The following FMR1NB variants were observed in gnomAD, a reference collection of about 807,000 sequenced individuals.
FMR1NB encodes the protein FMR1 neighbor, also known as FMR1 neighbor protein.
In FMR1NB, 10 loss-of-function variants were observed where a neutral mutation model predicts 16.8. That is an observed-to-expected ratio of 0.60 (90% CI 0.37 to 1.01). The LOEUF (loss-of-function observed/expected upper bound fraction) is 1.01, where lower values mean the gene tolerates loss of function less well. FMR1NB is among the 50% of genes least tolerant of loss of function. The pLI, the probability that FMR1NB is intolerant of heterozygous loss-of-function variation, is 0.01. For synonymous variants in FMR1NB, 83 were observed against 79.1 expected (o/e 1.05, Z -0.26); for missense variants, 205 against 204.8 (o/e 1.00, Z 0.00).
chrX:147,992,148 C>G (rs1229373577), intron 1 of FMR1NB, among the ~76,000 whole-genome samples: 2 of 110,227 alleles, frequency 1.8e-5, no homozygotes, highest in Non-Finnish European at 3.8e-5. Context: ...ATTGTCATCC[C>G]GTCCCGTTCT....
At chrX:148,009,542 T>C (rs1318274682) in intron 4 of FMR1NB, among the ~76,000 whole-genome samples, 1 of 106,236 alleles carries the variant, frequency 9.4e-6, no homozygotes, top group Non-Finnish European at 1.9e-5. Context: ...GCTCCCCACC[T>C]ATGGGGACAG....
chrX:147,981,505 G>A lies in FMR1NB; in HGVS notation c.103G>A (p.Glu35Lys). ...ELATYELAAT[E>K]SNPESSHPGY... is the part of the protein sequence containing the mutation. ...GGCAACTTATGAGTTGGCGGCAACT[G>A]AGTCGAATCCCGAGAGCAGCCATCC... Residue 35 changes from glutamate (E) to lysine (K), a missense_variant, in exon 1 of 6, where the codon GAG becomes AAG. Coordinates refer to ENST00000370467, the MANE Select transcript of FMR1NB (RefSeq NM_152578.3). 1 of 1,211,928 alleles carries A rather than the reference G, an allele frequency of 8.3e-7. No individual in the cohort carries two copies. Among genetic ancestry groups the A allele is most frequent in the Non-Finnish European group, 1.1e-6 (1 of 895,530 alleles).
intron 1 of FMR1NB, among the ~76,000 whole-genome samples, chrX:147,988,350 G>C (rs1391149556): frequency 9.0e-6 from 1 of 111,722 alleles, no homozygotes; most frequent in Non-Finnish European, 1.9e-5. Context: ...CTCTATTCTG[G>C]CTTGTAGGGT....
chrX:147,991,670 A>C (rs868946911), intron 1 of FMR1NB, among the ~76,000 whole-genome samples: 8 of 57,625 alleles, frequency 1.4e-4, no homozygotes, highest in Non-Finnish European at 2.6e-4. Flanking sequence ...TTTTTAATTT[A>C]TTTTTTTATT....
intron 1 of FMR1NB, among the ~76,000 whole-genome samples, chrX:147,995,086 A>G (rs921210583): frequency 2.7e-5 from 3 of 111,904 alleles, no homozygotes; most frequent in Non-Finnish European, 5.6e-5. Flanking sequence ...CCATACAGGA[A>G]AGACTATTTC....
intron 1 of FMR1NB, 95 bp downstream of exon 1, chrX:147,981,774 T>C: frequency 1.1e-6 from 1 of 952,071 alleles, no homozygotes; most frequent in Admixed American, 3.4e-5. Context: ...GCACCAACCA[T>C]AGGCCTTCCT....
rs1344072541 is a variant in FMR1NB at position 147,986,664 on chromosome X, G to C, written c.277+4985G>C. Among the ~76,000 whole-genome samples the C allele has an allele frequency of 2.7e-5, 3 of 111,241 alleles. No individual in the cohort carries two copies. The East Asian group carries it at 8.4e-4, about 31-fold the overall frequency. ...GTGTTAATTCTGAGGCCTCTGTTCTGTTCCATTTTTCTATATATCTGTTTT... is the reference window on the plus strand; with the variant it reads ...GTGTTAATTCTGAGGCCTCTGTTCTCTTCCATTTTTCTATATATCTGTTTT... On this transcript the variant is annotated intron_variant, in intron 1 of 5. Coordinates refer to ENST00000370467, the MANE Select transcript of FMR1NB (RefSeq NM_152578.3).
intron 2 of FMR1NB, among the ~76,000 whole-genome samples, chrX:148,004,675 C>T (rs900996965): frequency 4.5e-5 from 5 of 111,996 alleles, no homozygotes; most frequent in Non-Finnish European, 9.4e-5. Context: ...AAAAAAAGTT[C>T]GTTGTTTTGC....
intron 1 of FMR1NB, among the ~76,000 whole-genome samples, chrX:147,989,704 G>C (rs1265115394): frequency 1.7e-4 from 19 of 111,776 alleles, no homozygotes; most frequent in Admixed American, 1.2e-3. Flanking sequence ...CTTTCTTTCA[G>C]AGATGCCCTG....
At chrX:147,993,008 A>G (rs1293047313) in intron 1 of FMR1NB, among the ~76,000 whole-genome samples, 1 of 105,016 alleles carries the variant, frequency 9.5e-6, no homozygotes, top group African/African-American at 3.6e-5. Flanking sequence ...CACTTCCCAG[A>G]CGGGGTGGCG....
intron 1 of FMR1NB, among the ~76,000 whole-genome samples, chrX:147,994,426 G>A (rs1190747823): frequency 8.9e-6 from 1 of 112,277 alleles, no homozygotes; most frequent in South Asian, 3.6e-4. Context: ...TTGAAAAAAT[G>A]TTAAGATATT....
chrX:148,016,422 T>C (rs1462015701), intron 4 of FMR1NB, among the ~76,000 whole-genome samples: 1 of 111,538 alleles, frequency 9.0e-6, no homozygotes, highest in Non-Finnish European at 1.9e-5. Flanking sequence ...CTGTGTCTTT[T>C]GATTGGAGAG....
chrX:148,021,460 T>TG (rs1486906004), intron 4 of FMR1NB, among the ~76,000 whole-genome samples: 1 of 106,919 alleles, frequency 9.4e-6, no homozygotes, highest in African/African-American at 3.4e-5. Context: ...CGGGGTAGGA[T>TG]GGGGGTAATT....
At chrX:148,024,054 C>T (rs1436488618) in intron 4 of FMR1NB, among the ~76,000 whole-genome samples, 3 of 111,754 alleles carry the variant, frequency 2.7e-5, no homozygotes, top group Non-Finnish European at 5.7e-5. Context: ...AGATCATGCA[C>T]GTGAAGTGCT....
chrX:148,007,976 G>A (rs1216495165), intron 3 of FMR1NB: 1 of 112,287 alleles, frequency 8.9e-6, no homozygotes, highest in Non-Finnish European at 1.9e-5. Context: ...AAATTTAACT[G>A]TGACTTACAA....
At chrX:148,017,988 C>T (rs782661435) in intron 4 of FMR1NB, among the ~76,000 whole-genome samples, 3,151 of 105,389 alleles carry the variant, frequency 0.03, 97 homozygotes, top group African/African-American at 0.083. Context: ...TGAATAGTGC[C>T]GCAATAAACA....
At chrX:148,011,449 C>G (rs1167011926) in intron 4 of FMR1NB, among the ~76,000 whole-genome samples, 2 of 111,066 alleles carry the variant, frequency 1.8e-5, no homozygotes, top group Non-Finnish European at 3.8e-5. Context: ...CCGGGTATAA[C>G]GGAGGATACA....
At chrX:147,993,288 C>T (rs1017251948) in intron 1 of FMR1NB, among the ~76,000 whole-genome samples, 120 of 111,932 alleles carry the variant, frequency 1.1e-3, no homozygotes, top group African/African-American at 2.1e-3. Context: ...TGCCTGCAAT[C>T]GCAGGCATTC....
intron 1 of FMR1NB, among the ~76,000 whole-genome samples, chrX:147,986,919 C>T (rs1475787742): frequency 4.5e-5 from 5 of 111,794 alleles, no homozygotes; most frequent in Non-Finnish European, 9.4e-5. Flanking sequence ...GCAGTATGGC[C>T]ATTTTCACGA....
Sources: allele counts gnomAD v4.1 joint callset (sites outside exome capture counted in the v4.1 genomes callset), GRCh38; gene constraint gnomAD v4.1.1; transcripts MANE v1.5; gene names NCBI Gene and HGNC (gene_info 2026-07-23, HGNC 2026-07-21).